Variants in GMPR observed in about 807,000 individuals in gnomAD.
GMPR encodes the protein guanosine monophosphate reductase, also known as GMP reductase 1.
A neutral mutation model predicts 38.4 loss-of-function variants in GMPR; 31 were observed. That is an observed-to-expected ratio of 0.81 (90% CI 0.61 to 1.09). The LOEUF is 1.09. Among genes scored for constraint, GMPR ranks in the 50% least tolerant of loss-of-function variants. The pLI is 0.00. For missense variants in GMPR, 468 were observed against 453.7 expected, an observed-to-expected ratio of 1.03 and a Z score of -0.29; for synonymous variants, 162 against 173.3, an observed-to-expected ratio of 0.93 and a Z score of 0.51.
chr6:16,265,790 G>C (rs375275560), intron 4 of GMPR, among the ~76,000 whole-genome samples: 1 of 151,810 alleles, frequency 6.6e-6, no homozygotes, highest in Non-Finnish European at 1.5e-5. Flanking sequence ...GCTGGAGCCA[G>C]CCCGGATAAC....
At chr6:16,251,328 T>C (rs970137637) in intron 3 of GMPR, among the ~76,000 whole-genome samples, 4 of 152,162 alleles carry the variant, frequency 2.6e-5, no homozygotes, top group African/African-American at 9.7e-5. Context: ...CCCAGAACTT[T>C]GGGAGGCCGA....
intron 4 of GMPR, among the ~76,000 whole-genome samples, chr6:16,261,020 T>G (rs1023393792): frequency 5.3e-5 from 8 of 151,884 alleles, no homozygotes; most frequent in African/African-American, 1.9e-4. Flanking sequence ...AGAGAGTAAG[T>G]TGAGCATAGT....
chr6:16,242,042 A>G (rs942249189), intron 1 of GMPR, among the ~76,000 whole-genome samples: 11 of 152,192 alleles, frequency 7.2e-5, no homozygotes, highest in Admixed American at 3.3e-4. Context: ...CCCAGCTGAT[A>G]AGAATTAAAA....
chr6:16,291,040 A>G (rs1759832544), intron 8 of GMPR, among the ~76,000 whole-genome samples: 4 of 152,110 alleles, frequency 2.6e-5, no homozygotes, highest in Admixed American at 2.6e-4. Context: ...AGAAAGCCAT[A>G]GGTGTGGTCT....
At chr6:16,249,602 C>T (rs1046808056) in intron 2 of GMPR, among the ~76,000 whole-genome samples, 1 of 152,190 alleles carries the variant, frequency 6.6e-6, no homozygotes, top group Admixed American at 6.5e-5. Flanking sequence ...GGATTACAGG[C>T]GTAAGCCACC....
intron 4 of GMPR, among the ~76,000 whole-genome samples, chr6:16,263,653 G>T (rs544916766): frequency 1.9e-4 from 27 of 145,162 alleles, no homozygotes; most frequent in Non-Finnish European, 3.0e-4. Flanking sequence ...AAGGGATGGG[G>T]TGCAGAGATA....
At chr6:16,261,027 T>C (rs1181484105) in intron 4 of GMPR, among the ~76,000 whole-genome samples, 1 of 151,800 alleles carries the variant, frequency 6.6e-6, no homozygotes, top group Non-Finnish European at 1.5e-5. Flanking sequence ...AAGTTGAGCA[T>C]AGTTTGTGAT....
chr6:16,276,282 G>C (rs1332048804), intron 5 of GMPR, among the ~76,000 whole-genome samples: 1 of 152,010 alleles, frequency 6.6e-6, no homozygotes, highest in Admixed American at 6.5e-5. Flanking sequence ...TGATTCTTCT[G>C]CCTCAGCCTC....
chr6:16,238,723 C>A lies in GMPR; in HGVS notation c.30C>A (p.Leu10=), dbSNP rs771842768. The change falls in exon 1 of 9, where the codon CTC becomes CTA. Residue 10 remains leucine, a synonymous_variant. Coordinates refer to ENST00000259727, the MANE Select transcript of GMPR (RefSeq NM_006877.4). ...CCCGCATAGATGCGGACCTCAAGCT[C>A]GACTTCAAGGATGTCCTGCTCCGAC... MPRIDADLK[L]DFKDVLLRPK... 4 of 1,445,864 alleles carry A rather than the reference C, an allele frequency of 2.8e-6. No individual in the cohort carries two copies. The highest frequency in any genetic ancestry group is 1.5e-5 in the African/African-American group (1 of 68,662). 89.6% of individuals were successfully genotyped at this position (1,445,864 alleles called of 1,614,324 possible).
intron 1 of GMPR, among the ~76,000 whole-genome samples, chr6:16,239,921 T>C (rs1581642806): frequency 6.6e-6 from 1 of 152,306 alleles, no homozygotes; most frequent in East Asian, 1.9e-4. Context: ...TTAAAACTTA[T>C]CGCCCCAGAT....
chr6:16,286,221 C>T (rs528176159), intron 7 of GMPR, among the ~76,000 whole-genome samples: 32 of 152,114 alleles, frequency 2.1e-4, no homozygotes, highest in African/African-American at 7.0e-4. Flanking sequence ...AATCCCGCAG[C>T]GGTTTCTCCC....
intron 6 of GMPR, among the ~76,000 whole-genome samples, chr6:16,282,280 T>A (rs1340092531): frequency 2.3e-5 from 3 of 132,828 alleles, no homozygotes; most frequent in Non-Finnish European, 4.8e-5. Flanking sequence ...ACTTCCTGCA[T>A]AGGTGAAGAT....
intron 5 of GMPR, among the ~76,000 whole-genome samples, chr6:16,275,095 G>A (rs1207947514): frequency 6.6e-6 from 1 of 152,128 alleles, no homozygotes; most frequent in Non-Finnish European, 1.5e-5. Flanking sequence ...CCTTGTCATG[G>A]GTGGCGCCAT....
In GMPR at chr6:16,290,619, C is replaced by T. The variant is rs1759823492; in HGVS notation, c.855C>T (p.Tyr285=). Reference sequence around the variant, plus strand: ...AGCACGCAGGAGGAGTTGCTGAGTACAGGTGAGGAGGTGACCCCGGGGCGC... The same window carrying T: ...AGCACGCAGGAGGAGTTGCTGAGTATAGGTGAGGAGGTGACCCCGGGGCGC... The part of the protein sequence containing the change: ...MNKHAGGVAE[Y]RASEGKTVEV... Residue 285 remains tyrosine, a splice_region_variant and synonymous_variant, in exon 8 of 9, where the codon TAC becomes TAT. Coordinates refer to ENST00000259727, the MANE Select transcript of GMPR (RefSeq NM_006877.4). 2 of 1,613,702 alleles carry T rather than the reference C, an allele frequency of 1.2e-6. No homozygotes were observed. The highest frequency in any genetic ancestry group is 1.7e-6 in the Non-Finnish European group (2 of 1,179,798).
intron 4 of GMPR, among the ~76,000 whole-genome samples, chr6:16,272,431 T>C (rs1228687701): frequency 6.6e-6 from 1 of 152,262 alleles, no homozygotes; most frequent in Non-Finnish European, 1.5e-5. Flanking sequence ...TTCTTTTATA[T>C]GGACAAACGG....
rs1759917156 is a variant in GMPR at position 16,295,325 on chromosome 6, G to A, written c.*139G>A. On this transcript the variant is annotated 3_prime_UTR_variant, in exon 9 of 9. Coordinates refer to ENST00000259727, the MANE Select transcript of GMPR (RefSeq NM_006877.4). The stretch of plus-strand genomic sequence containing the variant: ...TGTGTCCTCTCTTCTGTCTCCTGCT[G>A]CCTGGAGGCTTCGGGGCTCTCCCGC... 3.2e-6 allele frequency: 2 copies of A among 624,998 alleles called. No homozygotes were observed. The highest frequency in any genetic ancestry group is 1.9e-5 in the African/African-American group (1 of 51,434). 38.7% of individuals were successfully genotyped at this position (624,998 alleles called of 1,614,324 possible). A position where few individuals can be genotyped will look rare whatever the true frequency, so the allele number is the denominator to read the frequency against.
chr6:16,289,156 G>A (rs1462552733), intron 7 of GMPR, among the ~76,000 whole-genome samples: 1 of 152,150 alleles, frequency 6.6e-6, no homozygotes, highest in Non-Finnish European at 1.5e-5. Flanking sequence ...GCTATTTGCC[G>A]GGAAGGTCTA....
chr6:16,256,347 C>G (rs2113676220), intron 4 of GMPR, among the ~76,000 whole-genome samples: 1 of 117,658 alleles, frequency 8.5e-6, no homozygotes, highest in Non-Finnish European at 1.7e-5. Context: ...AACCCTGCAT[C>G]TACTAAAAAA....
intron 4 of GMPR, among the ~76,000 whole-genome samples, chr6:16,267,320 C>T (rs540997681): frequency 6.6e-5 from 10 of 152,034 alleles, no homozygotes; most frequent in Admixed American, 3.3e-4. Context: ...TGCAGTGAGC[C>T]GAGATCGCGC....
Sources: gnomAD v4.1 joint callset for allele counts (sites outside exome capture counted in the v4.1 genomes callset) on GRCh38, gnomAD v4.1.1 for gene constraint, MANE v1.5 for transcripts, NCBI Gene and HGNC (gene_info 2026-07-23, HGNC 2026-07-21) for gene names.